BORCS5: variants seen among roughly 807,000 people sequenced by gnomAD.
BORCS5 encodes the protein BLOC-1 related complex subunit 5.
A neutral mutation model predicts 22.1 loss-of-function variants in BORCS5; 17 were observed. That is an observed-to-expected ratio of 0.77 (90% CI 0.53 to 1.15). BORCS5 has a LOEUF of 1.15. Among genes scored for constraint, BORCS5 ranks in the 50% most tolerant of loss-of-function variants. BORCS5 has a pLI of 0.00. For missense variants in BORCS5, 247 were observed against 253.2 expected (o/e 0.98, Z 0.17); for synonymous variants, 117 against 99.8 (o/e 1.17, Z -1.03).
At chr12:12,423,088 G>A (rs576080608) in intron 2 of BORCS5, among the ~76,000 whole-genome samples, 28 of 151,564 alleles carry the variant, frequency 1.8e-4, no homozygotes, top group Non-Finnish European at 3.5e-4. Flanking sequence ...TGCAAGCTCC[G>A]CCTCCCGGCT....
chr12:12,449,822 T>C (rs1942872352), intron 3 of BORCS5, among the ~76,000 whole-genome samples: 1 of 152,130 alleles, frequency 6.6e-6, no homozygotes, highest in African/African-American at 2.4e-5. Flanking sequence ...GGTGGTACAC[T>C]AATAAGGAGC....
rs762119920 is a variant in BORCS5 at position 12,385,186 on chromosome 12, C to T, written c.202+23837C>T. ...TCAGCTAGGAGCACGTGACTGGTTG[C>T]ACCCTTTCAGGTCTCTGCTGCAAAT... On this transcript the variant is annotated intron_variant, in intron 2 of 3. Transcript: ENST00000314565. Among the ~76,000 whole-genome samples the T allele has an allele frequency of 3.9e-4, 59 of 151,674 alleles. 1 individual carries two copies. The highest frequency in any genetic ancestry group is 1.5e-3 in the Admixed American group (23 of 15,232).
At chr12:12,430,151 A>ATTGTTTTTTT (rs1942384799) in intron 2 of BORCS5, among the ~76,000 whole-genome samples, 1 of 107,748 alleles carries the variant, frequency 9.3e-6, no homozygotes, top group African/African-American at 4.1e-5. Context: ...CTTAGAGAAA[A>ATTGTTTTTTT]TTTTTTTTTT....
intron 2 of BORCS5, among the ~76,000 whole-genome samples, chr12:12,389,965 A>G (rs867829301): frequency 7.2e-5 from 11 of 151,876 alleles, no homozygotes; most frequent in African/African-American, 2.7e-4. Context: ...TTAAATCTTC[A>G]TTTCCCACTG....
chr12:12,359,989 A>G (rs960778395), intron 1 of BORCS5, among the ~76,000 whole-genome samples: 2 of 152,138 alleles, frequency 1.3e-5, no homozygotes, highest in African/African-American at 2.4e-5. Flanking sequence ...AATTAAAGAG[A>G]AAGTAAAAAC....
Position 12,357,147 on chromosome 12 carries a change from CG to C in BORCS5, c.-304del. The stretch of plus-strand genomic sequence containing the variant: ...AGTGAAAGCGGCGCCGCCCGCCGGC[CG>C]CAGGTGCGGCAAAGCCAGTGTCATC... On this transcript the variant is annotated 5_prime_UTR_variant, in exon 1 of 4. Transcript: ENST00000314565. 1.3e-6 allele frequency: 2 copies of C among 1,533,088 alleles called. No individual in the cohort carries two copies. Among genetic ancestry groups the C allele is most frequent in the Non-Finnish European group, 1.7e-6 (2 of 1,145,670 alleles). 95.0% of individuals were successfully genotyped at this position (1,533,088 alleles called of 1,614,324 possible).
intron 3 of BORCS5, among the ~76,000 whole-genome samples, chr12:12,460,268 G>A (rs1390638795): frequency 2.0e-5 from 3 of 152,146 alleles, no homozygotes; most frequent in African/African-American, 7.2e-5. Context: ...TGTTGCCGAC[G>A]CAGTTGTAAA....
intron 3 of BORCS5, among the ~76,000 whole-genome samples, chr12:12,464,714 C>G (rs1943168597): frequency 6.6e-6 from 1 of 152,198 alleles, no homozygotes; most frequent in East Asian, 1.9e-4. Flanking sequence ...ACTAAAGAGC[C>G]TCTGTAAGGG....
At chr12:12,422,872 T>C (rs565186948) in intron 2 of BORCS5, among the ~76,000 whole-genome samples, 1 of 152,138 alleles carries the variant, frequency 6.6e-6, no homozygotes, top group African/African-American at 2.4e-5. Context: ...TAGACTAATT[T>C]TTTTTAATGT....
In BORCS5 at chr12:12,460,160, A is replaced by G. The variant is rs530577087; in HGVS notation, c.361-5386A>G. On this transcript the variant is annotated intron_variant, in intron 3 of 3. Coordinates refer to ENST00000314565, the MANE Select transcript of BORCS5 (RefSeq NM_058169.6). ...ACAATCCATGAACATGATATACTTC[A>G]TTTCTTGAGATCCCTTTTAGTTTTT... Among the ~76,000 whole-genome samples the G allele has an allele frequency of 3.9e-5, 6 of 152,288 alleles. No homozygotes were observed. The South Asian group carries it at 1.2e-3, about 32-fold the overall frequency.
intron 2 of BORCS5, among the ~76,000 whole-genome samples, chr12:12,399,043 C>G (rs1030557600): frequency 1.3e-5 from 2 of 152,118 alleles, no homozygotes; most frequent in Non-Finnish European, 2.9e-5. Context: ...TCTGCGATGG[C>G]CAGGAGAGGC....
intron 2 of BORCS5, among the ~76,000 whole-genome samples, chr12:12,397,513 C>T (rs1258502281): frequency 6.6e-6 from 1 of 152,154 alleles, no homozygotes; most frequent in Non-Finnish European, 1.5e-5. Context: ...GGAAGGAGAG[C>T]TAGGGAATAA....
Position 12,469,424 on chromosome 12 carries a change from C to T in BORCS5, c.*3648C>T, listed in dbSNP as rs1943253839. 6.6e-6 allele frequency: 1 copy of T among 152,242 alleles called. No homozygotes were observed. The highest frequency in any genetic ancestry group is 1.5e-5 in the Non-Finnish European group (1 of 68,056). The allele number at this position is 152,242 out of a possible 1,614,324, so 9.4% of individuals were successfully genotyped here. A position where few individuals can be genotyped will look rare whatever the true frequency, so the allele number is the denominator to read the frequency against. On this transcript the variant is annotated 3_prime_UTR_variant, in exon 4 of 4. Transcript: ENST00000314565. Reference sequence around the variant, plus strand: ...AGTTTGATTTTATGTATGTGTGCGTCTGTATATATGTTTCTGTATCCTGAG... The same window carrying T: ...AGTTTGATTTTATGTATGTGTGCGTTTGTATATATGTTTCTGTATCCTGAG...
intron 1 of BORCS5, 105 bp from the exon 2 acceptor site, chr12:12,361,101 C>T: frequency 1.7e-6 from 2 of 1,154,838 alleles, no homozygotes; most frequent in Non-Finnish European, 2.5e-6. Context: ...TGCAAGATAG[C>T]TACATTTTAT....
At chr12:12,453,081 A>G (rs1352961506) in intron 3 of BORCS5, among the ~76,000 whole-genome samples, 1 of 152,224 alleles carries the variant, frequency 6.6e-6, no homozygotes, top group Non-Finnish European at 1.5e-5. Context: ...TGCAAACTGG[A>G]AGAAAGGTCT....
Position 12,465,849 on chromosome 12 carries a change from A to C in BORCS5, c.*73A>C, listed in dbSNP as rs2136167074. 7.5e-7 allele frequency: 1 copy of C among 1,329,898 alleles called. No homozygotes were observed. The highest frequency in any genetic ancestry group is 1.0e-6 in the Non-Finnish European group (1 of 963,200). The allele number at this position is 1,329,898 out of a possible 1,614,324, so 82.4% of individuals were successfully genotyped here. Reference sequence around the variant, plus strand: ...TGAGGACGTGTGGAGCTAAGGTCATATCATCTGACCAGGTCTGGAGGCTGG... The same window carrying C: ...TGAGGACGTGTGGAGCTAAGGTCATCTCATCTGACCAGGTCTGGAGGCTGG... On this transcript the variant is annotated 3_prime_UTR_variant, in exon 4 of 4. Coordinates refer to ENST00000314565, the MANE Select transcript of BORCS5 (RefSeq NM_058169.6).
chr12:12,406,762 A>G (rs1423270961), intron 2 of BORCS5, among the ~76,000 whole-genome samples: 5 of 151,930 alleles, frequency 3.3e-5, no homozygotes, highest in African/African-American at 9.7e-5. Context: ...TAACCTGTGT[A>G]TACTTCAAAC....
At chr12:12,363,345 A>T (rs897021860) in intron 2 of BORCS5, among the ~76,000 whole-genome samples, 1 of 151,974 alleles carries the variant, frequency 6.6e-6, no homozygotes, top group Non-Finnish European at 1.5e-5. Context: ...CATGCCTATA[A>T]TCCCAGCACT....
intron 2 of BORCS5, among the ~76,000 whole-genome samples, chr12:12,420,189 T>G (rs572715832): frequency 0.23 from 29,883 of 128,680 alleles, 4,199 homozygotes; most frequent in African/African-American, 0.43. Flanking sequence ...GTCTAACATG[T>G]AAGTCTTTAA....
Sources: gnomAD v4.1 joint callset for allele counts (sites outside exome capture counted in the v4.1 genomes callset) on GRCh38, gnomAD v4.1.1 for gene constraint, MANE v1.5 for transcripts, NCBI Gene and HGNC (gene_info 2026-07-23, HGNC 2026-07-21) for gene names.